Variants in NFATC4 observed in about 807,000 individuals in gnomAD.
The protein encoded by NFATC4 is nuclear factor of activated T cells 4.
A neutral mutation model predicts 73.4 loss-of-function variants in NFATC4; 25 were observed. The ratio of observed to expected loss-of-function variants is 0.34; its 90% CI spans 0.25 to 0.48. NFATC4 has a LOEUF of 0.48. NFATC4 is among the 20% of genes least tolerant of loss of function. The pLI, the probability that NFATC4 is intolerant of heterozygous loss-of-function variation, is 0.99. For synonymous variants in NFATC4, 523 were observed against 510.3 expected, an observed-to-expected ratio of 1.02 and a Z score of -0.34; for missense variants, 1,130 against 1,203.7, an observed-to-expected ratio of 0.94 and a Z score of 0.91.
chr14:24,370,477 A>G lies in NFATC4; in HGVS notation c.1079A>G (p.Glu360Gly), dbSNP rs764821739. 1 of 1,614,048 alleles carries G rather than the reference A, an allele frequency of 6.2e-7. No homozygotes were observed. The highest frequency in any genetic ancestry group is 2.2e-5 in the East Asian group (1 of 44,880). Residue 360 changes from glutamate to glycine, a missense_variant, in exon 2 of 10, where the codon GAG becomes GGG. By Grantham distance (98) the Glu-to-Gly change is moderately conservative. Transcript: ENST00000250373. ...GGGAAGCTGCCCTTGGGAGCAGAGG[A>G]GTCTGTGGCTCCTCCAGGAGGTTCC... Reference protein sequence around the residue: ...CNGKLPLGAEESVAPPGGSRK... With the variant: ...CNGKLPLGAEGSVAPPGGSRK...
chr14:24,374,726 A>G, intron 6 of NFATC4: 1 of 375,400 alleles, frequency 2.7e-6, no homozygotes, highest in Non-Finnish European at 4.9e-6. Context: ...CTTTGAGATA[A>G]TTTACCCCCA....
At position 24,375,992 on chromosome 14, in the gene NFATC4, T is replaced by C. The variant is rs760670384; in HGVS notation, c.1947T>C (p.Thr649=). The change falls in exon 8 of 10, where the codon ACT becomes ACC. Residue 649 remains threonine (T), a synonymous_variant. Transcript: ENST00000250373. ...TTCCCTAGGTGACGCTGACCCTGAC[T>C]GTCCCCGAGTACAGCAACAAGAGGG... is the stretch of plus-strand genomic sequence containing the variant. ...LQSNEVTLTL[T]VPEYSNKRVS... is the part of the protein sequence containing the mutation. 1.2e-6 allele frequency: 2 copies of C among 1,614,046 alleles called. No homozygotes were observed. Among genetic ancestry groups the C allele is most frequent in the Non-Finnish European group, 1.7e-6 (2 of 1,179,966 alleles).
upstream of NFATC4, chr14:24,367,347 A>T: frequency 1.3e-6 from 2 of 1,536,916 alleles, no homozygotes; most frequent in Non-Finnish European, 1.7e-6. Context: ...GTGGGATGCT[A>T]TCGGGTCAGA....
In NFATC4 at chr14:24,376,454, A is replaced by C. The variant is rs770839133; in HGVS notation, c.2217A>C (p.Glu739Asp). Residue 739 changes from glutamate (E) to aspartate (D), a missense_variant, in exon 9 of 10, where the codon GAA (glutamate) becomes GAC (aspartate). Coordinates refer to ENST00000250373, the MANE Select transcript of NFATC4 (RefSeq NM_004554.5). The surrounding 1 kb of genome is among the most constrained non-coding windows in gnomAD (Gnocchi z 5.0). Reference sequence around the variant, plus strand: ...CTTGCGAAACTCCTTACCTATCAGAAGGCTTCGGCTATGGCATGCCCCCTC... The same window carrying C: ...CTTGCGAAACTCCTTACCTATCAGACGGCTTCGGCTATGGCATGCCCCCTC... ...DPACETPYLS[E>D]GFGYGMPPLY... 6.2e-7 allele frequency: 1 copy of C among 1,613,736 alleles called. No homozygotes were observed. Among genetic ancestry groups the C allele is most frequent in the South Asian group, 1.1e-5 (1 of 91,058 alleles).
At chr14:24,368,556 A>C in intron 1 of NFATC4, 116 bp downstream of exon 1, 3 of 900,988 alleles carry the variant, frequency 3.3e-6, no homozygotes, top group Non-Finnish European at 4.0e-6. Context: ...TCAGAGGTCG[A>C]AGGGAGTCGG....
rs758675074 is a variant in NFATC4 at position 24,378,028 on chromosome 14, G to T, written c.*323G>T. The T allele has an allele frequency of 2.2e-6, 1 of 451,714 alleles. No individual in the cohort carries two copies. The highest frequency in any genetic ancestry group is 2.0e-5 in the African/African-American group (1 of 51,072). 28.0% of individuals were successfully genotyped at this position (451,714 alleles called of 1,614,324 possible). The stretch of plus-strand genomic sequence containing the variant: ...TGTGCTGGAAAGCTGGGGACAGGTT[G>T]ATGGTAATAAACTGCTCAATGACCA... On this transcript the variant is annotated 3_prime_UTR_variant, in exon 10 of 10. Transcript: ENST00000250373.
rs1336997586 is a variant in NFATC4, at chr14:24,374,473, AC to A, written c.1873+9del. ...TTCATTGAGAGGGGTCCTGGTGAGT[AC>A]CTGCTGGGGAGGGGAGGGCAGGCAG... On this transcript the variant is annotated splice_region_variant and intron_variant, in intron 6 of 9. Transcript: ENST00000250373. The A allele has an allele frequency of 1.9e-6, 3 of 1,607,536 alleles. No homozygotes were observed. The African/African-American group carries it at 4.0e-5, about 21-fold the overall frequency.
At chr14:24,367,715 A>G, upstream of NFATC4, 1 of 1,513,256 alleles carries the variant, frequency 6.6e-7, no homozygotes, top group Non-Finnish European at 8.8e-7. Context: ...CTCTGCCCCC[A>G]GGACCCTCCT....
Position 24,373,863 on chromosome 14 carries a change from G to A in NFATC4, c.1728G>A (p.Glu576=), listed in dbSNP as rs1270463549. 5 of 1,613,900 alleles carry A rather than the reference G, an allele frequency of 3.1e-6. No individual in the cohort carries two copies. The highest frequency in any genetic ancestry group is 2.2e-5 in the East Asian group (1 of 44,888). ...TACAGGCAGCATCGGTGCCCATCGA[G>A]TGCTGTGAGCAAAGAGGCCCTGGGC... The part of the protein sequence containing the change: ...VSVQAASVPI[E]CSQRSAQELP... The change falls in exon 5 of 10, where the codon GAG becomes GAA. Residue 576 remains glutamate (E), a synonymous_variant. Transcript: ENST00000250373. This position sits in a 1 kb window ranked among gnomAD's most constrained non-coding sequence, Gnocchi z 4.7.
chr14:24,375,759 G>GGGGCCCC, intron 7 of NFATC4, 44 bp downstream of exon 7: 1 of 617,006 alleles, frequency 1.6e-6, no homozygotes, highest in Non-Finnish European at 3.0e-6. Context: ...GGGGGTGGGA[G>GGGGCCCC]AAGGCAGGGG....
Position 24,369,487 on chromosome 14 carries a change from C to A in NFATC4, c.101-12C>A. ...TCCCCCTCTCCCTCTGCTCCTCTTCCCATTTTGACAGAACTGGACTCAGAG... is the reference window on the plus strand; with the variant it reads ...TCCCCCTCTCCCTCTGCTCCTCTTCACATTTTGACAGAACTGGACTCAGAG... On this transcript the variant is annotated splice_polypyrimidine_tract_variant and intron_variant, in intron 1 of 9. Coordinates refer to ENST00000250373, the MANE Select transcript of NFATC4 (RefSeq NM_004554.5). 6 of 1,612,684 alleles carry A rather than the reference C, an allele frequency of 3.7e-6. No individual in the cohort carries two copies. Among genetic ancestry groups the A allele is most frequent in the Non-Finnish European group, 5.1e-6 (6 of 1,179,332 alleles).
At chr14:24,368,668 G>A (rs972117523) in intron 1 of NFATC4, among the ~76,000 whole-genome samples, 5 of 151,662 alleles carry the variant, frequency 3.3e-5, no homozygotes, top group Admixed American at 2.0e-4. Context: ...TTGGCTGTGC[G>A]CCGCCTCCCG....
chr14:24,375,699 G>T lies in NFATC4; in HGVS notation c.1913G>T (p.Arg638Leu). The T allele has an allele frequency of 6.5e-7, 1 of 1,535,808 alleles. No individual in the cohort carries two copies. Among genetic ancestry groups the T allele is most frequent in the South Asian group, 1.2e-5 (1 of 84,394 alleles). The change falls in exon 7 of 10, where the codon CGA becomes CTA. Residue 638 changes from arginine to leucine, a missense_variant. This residue lies in a region of NFATC4 where 390 missense variants were observed against 408.1 expected (regional missense o/e 0.96). Transcript: ENST00000250373. ...LQWEEEATVN[R>L]LQSNEVTLTL... ...TGGGAGGAGGAGGCCACAGTGAACC[G>T]ACTGCAGAGCAACGAGGTACCAGTG... is the stretch of plus-strand genomic sequence containing the variant.
intron 7 of NFATC4, 98 bp downstream of exon 7, chr14:24,375,813 G>T: frequency 6.4e-7 from 1 of 1,551,336 alleles, no homozygotes; most frequent in South Asian, 1.1e-5. Context: ...GACTTTTCTG[G>T]AGGAGGGAGA....
chr14:24,375,370 C>T (rs997321298), intron 6 of NFATC4, among the ~76,000 whole-genome samples: 1 of 152,108 alleles, frequency 6.6e-6, no homozygotes, highest in African/African-American at 2.4e-5. Flanking sequence ...ATGTTTGGAG[C>T]TGGGTGGGAG....
At chr14:24,367,265 G>C, upstream of NFATC4, 5 of 1,601,268 alleles carry the variant, frequency 3.1e-6, no homozygotes, top group Non-Finnish European at 4.3e-6. Flanking sequence ...AGGGGGAAGA[G>C]GAGGGGAACC....
Position 24,373,941 on chromosome 14 carries a change from CA to C in NFATC4, c.1732+75del, listed in dbSNP as rs757991603. The C allele has an allele frequency of 1.3e-6, 2 of 1,581,530 alleles. No individual in the cohort carries two copies. Among genetic ancestry groups the C allele is most frequent in the Non-Finnish European group, 1.7e-6 (2 of 1,159,674 alleles). On this transcript the variant is annotated intron_variant, in intron 5 of 9. Coordinates refer to ENST00000250373, the MANE Select transcript of NFATC4 (RefSeq NM_004554.5). The surrounding 1 kb of genome is among the most constrained non-coding windows in gnomAD (Gnocchi z 4.7). ...GTCTGTGTGTGTGTGTCTGTCTGCC[CA>C]TTCCCTCTGCAGCGTCCTGTGCCCT... is the stretch of plus-strand genomic sequence containing the variant.
At chr14:24,369,088 G>T in intron 1 of NFATC4, 1 of 1,415,878 alleles carries the variant, frequency 7.1e-7, no homozygotes. Flanking sequence ...GGCCACGGTT[G>T]CGATGGCAAC....
At position 24,377,339 on chromosome 14, in the gene NFATC4, T is replaced by C. The variant is rs994783901; in HGVS notation, c.2642-299T>C. The C allele has an allele frequency of 7.8e-7, 1 of 1,286,814 alleles. No individual in the cohort carries two copies. The highest frequency in any genetic ancestry group is 1.5e-5 in the African/African-American group (1 of 67,448). The allele number at this position is 1,286,814 out of a possible 1,614,324, so 79.7% of individuals were successfully genotyped here. Reference sequence around the variant, plus strand: ...CTGTTTTGCCTCTCCTTCTTCCCATTGGCTACACCCATCTCTGGCCCTGCT... The same window carrying C: ...CTGTTTTGCCTCTCCTTCTTCCCATCGGCTACACCCATCTCTGGCCCTGCT... On this transcript the variant is annotated intron_variant, in intron 9 of 9. Transcript: ENST00000250373. The surrounding 1 kb of genome is among the most constrained non-coding windows in gnomAD (Gnocchi z 4.2).
Sources: allele counts gnomAD v4.1 joint callset (sites outside exome capture counted in the v4.1 genomes callset), GRCh38; gene constraint gnomAD v4.1.1; regional missense constraint gnomAD v4.1.1; non-coding constraint Gnocchi (gnomAD v3.1); transcripts MANE v1.5; gene names NCBI Gene and HGNC (gene_info 2026-07-23, HGNC 2026-07-21).